Variants in FOXN3 observed in about 807,000 individuals in gnomAD.
FOXN3 encodes the protein forkhead box N3, also known as forkhead box protein N3.
A neutral mutation model predicts 38.4 loss-of-function variants in FOXN3; 7 were observed. The ratio of observed to expected loss-of-function variants is 0.18; its 90% CI spans 0.10 to 0.34. The LOEUF is 0.34. FOXN3 is among the 10% of genes least tolerant of loss of function. The probability of loss-of-function intolerance (pLI) is 1.00; values close to 1 mark genes in which losing one functional copy is unlikely to be tolerated. For synonymous variants in FOXN3, 230 were observed against 242.2 expected (o/e 0.95, Z 0.47); for missense variants, 456 against 613.4 (o/e 0.74, Z 2.71).
At position 89,157,409 on chromosome 14, in the gene FOXN3, A is replaced by G. The variant is rs1887005241; in HGVS notation, c.*5005T>C. On this transcript the variant is annotated 3_prime_UTR_variant, in exon 6 of 6. Transcript: ENST00000557258. ...CGAGTCTGTGCTTAATTCAAGAATAACCAGTAGGAGAGAGAGAAAACACAA... is the reference window on the plus strand; with the variant it reads ...CGAGTCTGTGCTTAATTCAAGAATAGCCAGTAGGAGAGAGAGAAAACACAA... 2 of 152,662 alleles carry G rather than the reference A, an allele frequency of 1.3e-5. No homozygotes were observed. The highest frequency in any genetic ancestry group is 1.3e-4 in the Admixed American group (2 of 15,286). The allele number at this position is 152,662 out of a possible 1,614,324, so 9.5% of individuals were successfully genotyped here.
At chr14:89,310,215 G>A (rs112599894) in intron 3 of FOXN3, among the ~76,000 whole-genome samples, 4,951 of 152,294 alleles carry the variant, frequency 0.033, 268 homozygotes, top group African/African-American at 0.11. Flanking sequence ...TGGCAGTCAG[G>A]TCTGAATTTT....
chr14:89,381,799 G>A (rs1890655746), intron 2 of FOXN3, among the ~76,000 whole-genome samples: 1 of 151,294 alleles, frequency 6.6e-6, no homozygotes, highest in African/African-American at 2.4e-5. Context: ...GTTCAAGGCT[G>A]CACTGAGCTG....
rs982851339 is a variant in FOXN3, at chr14:89,159,430, G to C, written c.*2984C>G. 6.6e-6 allele frequency: 1 copy of C among 152,630 alleles called. No homozygotes were observed. Among genetic ancestry groups the C allele is most frequent in the African/African-American group, 2.4e-5 (1 of 41,426 alleles). 9.5% of individuals were successfully genotyped at this position (152,630 alleles called of 1,614,324 possible). ...GAAAATCACACTTAGAAAGCTGCCC[G>C]ATGAGGTATTTATGCAAAAAGAGTG... On this transcript the variant is annotated 3_prime_UTR_variant, in exon 6 of 6. Transcript: ENST00000557258.
intron 2 of FOXN3, among the ~76,000 whole-genome samples, chr14:89,360,385 A>C (rs1417696189): frequency 7.2e-6 from 1 of 138,946 alleles, no homozygotes; most frequent in Non-Finnish European, 1.5e-5. Context: ...AGGGAAAGGG[A>C]GGGAGGGAGG....
At chr14:89,180,835 G>T in intron 4 of FOXN3, 29 bp from the exon 5 acceptor site, 1 of 1,546,596 alleles carries the variant, frequency 6.5e-7, no homozygotes, top group Non-Finnish European at 8.8e-7. Flanking sequence ...GAAAGACACC[G>T]CACGTGAATT....
chr14:89,314,820 T>C (rs1887673437), intron 3 of FOXN3, among the ~76,000 whole-genome samples: 2 of 152,184 alleles, frequency 1.3e-5, no homozygotes, highest in African/African-American at 4.8e-5. Context: ...ATGATGTTGA[T>C]GTTAGCTAAC....
intron 2 of FOXN3, among the ~76,000 whole-genome samples, chr14:89,396,390 T>C (rs1311797251): frequency 6.6e-6 from 1 of 152,206 alleles, no homozygotes; most frequent in Non-Finnish European, 1.5e-5. Context: ...CACAGATCTG[T>C]GGGTTTTACC....
chr14:89,167,833 T>C (rs1294767655), intron 5 of FOXN3, among the ~76,000 whole-genome samples: 3 of 152,196 alleles, frequency 2.0e-5, no homozygotes, highest in Admixed American at 1.3e-4. Flanking sequence ...AGTTTCTCTA[T>C]AGCGAACGTC....
Position 89,286,924 on chromosome 14 carries a change from G to T in FOXN3, c.681-5910C>A, listed in dbSNP as rs139817911. ...CCTTCCAAAGAAGCTTGAGTGTCCC[G>T]GCAATTAAAAGGGATCTCTGTGGCC... On this transcript the variant is annotated intron_variant, in intron 3 of 5. Coordinates refer to ENST00000557258, the MANE Select transcript of FOXN3 (RefSeq NM_005197.4). 3.0e-4 allele frequency among the ~76,000 whole-genome samples: 46 copies of T among 152,238 alleles called. No individual in the cohort carries two copies. In the East Asian group the frequency reaches 8.9e-3, roughly 29 times the overall value.
At chr14:89,501,517 G>A (rs1487781775) in intron 1 of FOXN3, among the ~76,000 whole-genome samples, 1 of 152,136 alleles carries the variant, frequency 6.6e-6, no homozygotes, top group Non-Finnish European at 1.5e-5. Context: ...CCTAATCAGA[G>A]GGAACGAGGA....
At chr14:89,402,883 A>C (rs1312279534) in intron 2 of FOXN3, among the ~76,000 whole-genome samples, 1 of 152,204 alleles carries the variant, frequency 6.6e-6, no homozygotes, top group Middle Eastern at 3.2e-3. Context: ...ATAAACACTC[A>C]AGCCTCCTTC....
intron 3 of FOXN3, among the ~76,000 whole-genome samples, chr14:89,314,709 T>C (rs1887670277): frequency 6.6e-6 from 1 of 152,094 alleles, no homozygotes; most frequent in Non-Finnish European, 1.5e-5. Flanking sequence ...AAGACAGACA[T>C]GAGATGGACA....
chr14:89,216,960 C>A (rs1884303173), intron 4 of FOXN3, among the ~76,000 whole-genome samples: 1 of 152,172 alleles, frequency 6.6e-6, no homozygotes, highest in South Asian at 2.1e-4. Flanking sequence ...TCTTCTTATT[C>A]TCTATATCTG....
intron 1 of FOXN3, among the ~76,000 whole-genome samples, chr14:89,602,562 T>A (rs1896175103): frequency 6.6e-6 from 1 of 151,978 alleles, no homozygotes; most frequent in Non-Finnish European, 1.5e-5. Flanking sequence ...AGTGGCGCGA[T>A]CTCGGCTCAC....
chr14:89,236,609 A>G (rs1035398859), intron 4 of FOXN3, among the ~76,000 whole-genome samples: 4 of 152,186 alleles, frequency 2.6e-5, no homozygotes, highest in African/African-American at 9.6e-5. Flanking sequence ...GCAAGGGGCT[A>G]TGGGAGCTAA....
intron 4 of FOXN3, among the ~76,000 whole-genome samples, chr14:89,279,735 C>T (rs535463768): frequency 8.5e-5 from 13 of 152,222 alleles, no homozygotes; most frequent in Non-Finnish European, 1.6e-4. Flanking sequence ...ACCAAACTTG[C>T]CTGACTACAT....
rs780069905 is a variant in FOXN3 at position 89,162,284 on chromosome 14, A to G, written c.*130T>C. ...ATTAAAACAAAATAAAAGGAAAAGA[A>G]AAGAAAGAAAACCAAACCAAAAACA... On this transcript the variant is annotated 3_prime_UTR_variant, in exon 6 of 6. Coordinates refer to ENST00000557258, the MANE Select transcript of FOXN3 (RefSeq NM_005197.4). This position sits in a 1 kb window ranked among gnomAD's most constrained non-coding sequence, Gnocchi z 7.2. 2.5e-5 allele frequency: 19 copies of G among 747,258 alleles called. No individual in the cohort carries two copies. The highest frequency in any genetic ancestry group is 1.7e-4 in the Admixed American group (5 of 29,064). 46.3% of individuals were successfully genotyped at this position (747,258 alleles called of 1,614,324 possible).
Position 89,281,112 on chromosome 14 carries a change from G to A in FOXN3, c.681-98C>T, listed in dbSNP as rs528882146. ...TCCCTCAAAACATTTCCCCAAGTAT[G>A]CATTACTGACACCCTTTGAAAATGC... On this transcript the variant is annotated intron_variant, in intron 3 of 5. Coordinates refer to ENST00000557258, the MANE Select transcript of FOXN3 (RefSeq NM_005197.4). 16 of 1,068,270 alleles carry A rather than the reference G, an allele frequency of 1.5e-5. No individual in the cohort carries two copies. In the African/African-American group the frequency reaches 2.4e-4, roughly 16 times the overall value. 66.2% of individuals were successfully genotyped at this position (1,068,270 alleles called of 1,614,324 possible).
chr14:89,521,753 CA>C (rs991178077), intron 1 of FOXN3, among the ~76,000 whole-genome samples: 3 of 151,516 alleles, frequency 2.0e-5, no homozygotes, highest in South Asian at 2.1e-4. Context: ...CAAAACAAAA[CA>C]AAAAAAATAG....
Sources: gnomAD v4.1 joint callset for allele counts (sites outside exome capture counted in the v4.1 genomes callset) on GRCh38, gnomAD v4.1.1 for gene constraint, Gnocchi (gnomAD v3.1) non-coding constraint, MANE v1.5 for transcripts, NCBI Gene and HGNC (gene_info 2026-07-23, HGNC 2026-07-21) for gene names.